Variants in DHX34 observed in about 807,000 individuals in gnomAD.
The protein encoded by DHX34 is probable ATP-dependent RNA helicase DHX34.
In DHX34, 96 loss-of-function variants were observed where a neutral mutation model predicts 111.1. The observed-to-expected ratio is 0.86, with a 90% CI of 0.73 to 1.02. The LOEUF is 1.02. Ranked by LOEUF, DHX34 falls within the 50% of genes least tolerant of loss-of-function variation. DHX34 has a pLI of 0.00. For missense variants in DHX34, 1,560 were observed against 1,579.9 expected (o/e 0.99, Z 0.21); for synonymous variants, 688 against 670.4 (o/e 1.03, Z -0.41).
Position 47,357,905 on chromosome 19 carries a change from A to G in DHX34, c.1057A>G (p.Lys353Glu). Residue 353 changes from lysine to glutamate, a missense_variant, in exon 4 of 17, where the codon AAG (lysine) becomes GAG (glutamate). Coordinates refer to ENST00000328771, the MANE Select transcript of DHX34 (RefSeq NM_014681.6). ...QPQEAEPTTS[K>E]SEKLDPRPFL... ...GCAGGAGGCGGAGCCGACCACGTCC[A>G]AGTCAGAGAAGCTGGACCCGCGGCC... The G allele has an allele frequency of 6.2e-7, 1 of 1,613,950 alleles. No individual in the cohort carries two copies.
rs1054741030 is a variant in DHX34, at chr19:47,373,836, G to T, written c.2064+136G>T. The T allele has an allele frequency of 2.3e-5, 26 of 1,150,574 alleles. No homozygotes were observed. The African/African-American group carries it at 3.9e-4, about 17-fold the overall frequency. 71.3% of individuals were successfully genotyped at this position (1,150,574 alleles called of 1,614,324 possible). Reference sequence around the variant, plus strand: ...CTGCACCCACCTCCCCCACCACCCGGTGACCAGGTGTTGGGGCAGCTGGGC... The same window carrying T: ...CTGCACCCACCTCCCCCACCACCCGTTGACCAGGTGTTGGGGCAGCTGGGC... On this transcript the variant is annotated intron_variant, in intron 9 of 16. Coordinates refer to ENST00000328771, the MANE Select transcript of DHX34 (RefSeq NM_014681.6).
chr19:47,375,876 G>A (rs533758483), intron 10 of DHX34, 48 bp from the exon 11 acceptor site: 423 of 1,547,026 alleles, frequency 2.7e-4, no homozygotes, highest in Non-Finnish European at 3.6e-4. Flanking sequence ...GATCATGGTA[G>A]GAGCCCCTCA....
chr19:47,352,568 G>A (rs971442863), intron 1 of DHX34, among the ~76,000 whole-genome samples, 186 bp from the exon 2 acceptor site: 3 of 152,068 alleles, frequency 2.0e-5, no homozygotes, highest in Non-Finnish European at 4.4e-5. Flanking sequence ...CCAGCTGCTC[G>A]GGAGGCTGAG....
At chr19:47,381,679 G>C in intron 16 of DHX34, 1 of 644,388 alleles carries the variant, frequency 1.6e-6, no homozygotes, top group Non-Finnish European at 2.5e-6. Context: ...CCACACACTG[G>C]GGTTCAGTGG....
Position 47,373,659 on chromosome 19 carries a change from C to A in DHX34, c.2023C>A (p.His675Asn), listed in dbSNP as rs1236764045. ...KWCRRRGIEE[H>N]RLYEMANLRR... ...GTGCCGCCGCCGGGGCATAGAGGAG[C>A]ATCGACTGTACGAAATGGCCAACCT... The change falls in exon 9 of 17, where the codon CAT becomes AAT. Residue 675 changes from histidine (H) to asparagine (N), a missense_variant. By Grantham distance (68) the His-to-Asn change is moderately conservative. Coordinates refer to ENST00000328771, the MANE Select transcript of DHX34 (RefSeq NM_014681.6). 1.2e-6 allele frequency: 2 copies of A among 1,613,960 alleles called. No homozygotes were observed. The highest frequency in any genetic ancestry group is 1.7e-6 in the Non-Finnish European group (2 of 1,180,010).
chr19:47,375,729 G>A (rs911984967), intron 10 of DHX34, 21 bp downstream of exon 10: 2 of 1,558,552 alleles, frequency 1.3e-6, no homozygotes, highest in Admixed American at 2.1e-5. Context: ...TGGGCTGTGG[G>A]GTGTGGGGGT....
chr19:47,366,917 C>A (rs1049640070), intron 6 of DHX34, 64 bp from the exon 7 acceptor site: 2 of 1,429,260 alleles, frequency 1.4e-6, no homozygotes, highest in African/African-American at 2.9e-5. Context: ...GATCTCTGAG[C>A]CCCGCTGTGC....
chr19:47,381,430 G>A (rs565583121), intron 16 of DHX34, 106 bp downstream of exon 16: 24 of 1,463,748 alleles, frequency 1.6e-5, no homozygotes, highest in Middle Eastern at 2.2e-4. Context: ...GAGGACTGAC[G>A]ACCTCCACCC....
At chr19:47,363,222 G>A (rs1333545860) in intron 6 of DHX34, among the ~76,000 whole-genome samples, 1 of 151,922 alleles carries the variant, frequency 6.6e-6, no homozygotes, top group Non-Finnish European at 1.5e-5. Context: ...CCAAAGTGCT[G>A]GGATTACAGG....
At chr19:47,373,754 G>A (rs1970045905) in intron 9 of DHX34, 54 bp downstream of exon 9, 1 of 1,578,242 alleles carries the variant, frequency 6.3e-7, no homozygotes, top group South Asian at 1.1e-5. Context: ...ACGTGTGTAA[G>A]CACACTCCAG....
In DHX34 at chr19:47,375,447, C is replaced by T; in HGVS notation, c.2065-19C>T. Reference sequence around the variant, plus strand: ...CTGAGTCTGCCCTGAGGCCCTCACCCCTACCCACCTGCCCCTAGGAGCTGT... The same window carrying T: ...CTGAGTCTGCCCTGAGGCCCTCACCTCTACCCACCTGCCCCTAGGAGCTGT... On this transcript the variant is annotated intron_variant, in intron 9 of 16. Coordinates refer to ENST00000328771, the MANE Select transcript of DHX34 (RefSeq NM_014681.6). 5 of 1,573,332 alleles carry T rather than the reference C, an allele frequency of 3.2e-6. No individual in the cohort carries two copies. The highest frequency in any genetic ancestry group is 4.3e-6 in the Non-Finnish European group (5 of 1,168,226).
rs747246713 is a variant in DHX34, at chr19:47,368,252, A to G, written c.1768+1097A>G. Among the ~76,000 whole-genome samples the G allele has an allele frequency of 2.8e-3, 355 of 128,788 alleles. 2 individuals are homozygous for G. Among genetic ancestry groups the G allele is most frequent in the Non-Finnish European group, 4.7e-3 (313 of 66,214 alleles). 84.5% of individuals were successfully genotyped at this position (128,788 alleles called of 152,430 possible). ...GTGGCTGCAGTGGAGTGAGAGGGAG[A>G]AGGTGGGAGATGTAACCAACAGTCT... On this transcript the variant is annotated intron_variant, in intron 7 of 16. Coordinates refer to ENST00000328771, the MANE Select transcript of DHX34 (RefSeq NM_014681.6).
intron 6 of DHX34, among the ~76,000 whole-genome samples, chr19:47,365,376 C>T (rs1379392100): frequency 2.0e-5 from 3 of 151,866 alleles, no homozygotes; most frequent in Admixed American, 6.6e-5. Flanking sequence ...CTTGGCCTCC[C>T]GAGTAGCTGG....
intron 7 of DHX34, among the ~76,000 whole-genome samples, chr19:47,370,765 C>T (rs887553943): frequency 1.6e-4 from 25 of 152,202 alleles, no homozygotes; most frequent in Non-Finnish European, 2.9e-4. Flanking sequence ...CAACCTCCAC[C>T]TCCCGGGTTC....
chr19:47,361,085 G>A (rs542975549), intron 5 of DHX34, among the ~76,000 whole-genome samples: 1 of 152,332 alleles, frequency 6.6e-6, no homozygotes, highest in East Asian at 1.9e-4. Flanking sequence ...TGCCTGGCCA[G>A]GTTTAGTGCT....
intron 1 of DHX34, among the ~76,000 whole-genome samples, chr19:47,350,529 C>T (rs914957010): frequency 6.6e-6 from 1 of 151,392 alleles, no homozygotes; most frequent in East Asian, 1.9e-4. Context: ...TCAAGCGAGT[C>T]TCCTGCCTCA....
At position 47,376,038 on chromosome 19, in the gene DHX34, C is replaced by T. The variant is rs1382797534; in HGVS notation, c.2422C>T (p.Leu808=). 33 of 1,600,416 alleles carry T rather than the reference C, an allele frequency of 2.1e-5. No individual in the cohort carries two copies. Among genetic ancestry groups the T allele is most frequent in the Non-Finnish European group, 2.8e-5 (33 of 1,174,240 alleles). Reference sequence around the variant, plus strand: ...GCTGAAGCTGGTGCTGGGCCGGGGCCTGTACCCACAGCTGGCCGTCCCCGA... The same window carrying T: ...GCTGAAGCTGGTGCTGGGCCGGGGCTTGTACCCACAGCTGGCCGTCCCCGA... ...ALLKLVLGRG[L]YPQLAVPDAF... The change falls in exon 11 of 17, where the codon CTG becomes TTG. Residue 808 remains leucine (L), a synonymous_variant. Transcript: ENST00000328771.
Position 47,353,004 on chromosome 19 carries a change from C to G in DHX34, c.-27C>G, listed in dbSNP as rs1427528198. 6.3e-7 allele frequency: 1 copy of G among 1,594,240 alleles called. No homozygotes were observed. The highest frequency in any genetic ancestry group is 1.1e-5 in the South Asian group (1 of 89,902). ...GAATATTTGTTTTGGGTGATCAGAACTGAGACTCCTATTGTGGATTAGTAA... is the reference window on the plus strand; with the variant it reads ...GAATATTTGTTTTGGGTGATCAGAAGTGAGACTCCTATTGTGGATTAGTAA... On this transcript the variant is annotated 5_prime_UTR_variant, in exon 2 of 17. Transcript: ENST00000328771. This position sits in a 1 kb window ranked among gnomAD's most constrained non-coding sequence, Gnocchi z 4.6.
intron 14 of DHX34, 60 bp downstream of exon 14, chr19:47,380,045 C>T (rs1054546667): frequency 2.0e-6 from 3 of 1,509,834 alleles, no homozygotes; most frequent in African/African-American, 1.4e-5. Context: ...CGTCACTGGG[C>T]TTGAGCCTCG....
Sources: allele counts gnomAD v4.1 joint callset (sites outside exome capture counted in the v4.1 genomes callset), GRCh38; gene constraint gnomAD v4.1.1; non-coding constraint Gnocchi (gnomAD v3.1); transcripts MANE v1.5; gene names NCBI Gene and HGNC (gene_info 2026-07-23, HGNC 2026-07-21).